Variants in LCOR observed in about 807,000 individuals in gnomAD.
LCOR encodes the protein ligand dependent nuclear receptor corepressor.
Under a neutral mutation model 64.4 loss-of-function variants are expected in LCOR, and 14 were observed. That is an observed-to-expected ratio of 0.22 (90% confidence interval 0.14 to 0.34). The LOEUF (loss-of-function observed/expected upper bound fraction) is 0.34. Ranked by LOEUF, LCOR falls within the 10% of genes least tolerant of loss-of-function variation. LCOR has a pLI of 1.00. For synonymous variants in LCOR, 643 were observed against 642.5 expected, an observed-to-expected ratio of 1.00 and a Z score of -0.01; for missense variants, 1,686 against 1,765.3, an observed-to-expected ratio of 0.96 and a Z score of 0.80.
chr10:96,940,847 GGTC>G (rs1267542142), intron 4 of LCOR, among the ~76,000 whole-genome samples: 2 of 150,516 alleles, frequency 1.3e-5, no homozygotes, highest in Non-Finnish European at 3.0e-5. Flanking sequence ...TCCCAGACGG[GGTC>G]GTGGCCGGGC....
At chr10:96,900,779 A>G (rs941106494) in intron 2 of LCOR, among the ~76,000 whole-genome samples, 1 of 151,942 alleles carries the variant, frequency 6.6e-6, no homozygotes, top group Non-Finnish European at 1.5e-5. Flanking sequence ...AAATCAGAGA[A>G]TATCTATAAA....
At chr10:96,945,239 G>T (rs1847567586) in intron 5 of LCOR, among the ~76,000 whole-genome samples, 1 of 152,010 alleles carries the variant, frequency 6.6e-6, no homozygotes, top group South Asian at 2.1e-4. Context: ...CCTTCCCTTT[G>T]ACATTGGTTA....
At chr10:96,958,481 T>C in intron 7 of LCOR, 1 of 898,692 alleles carries the variant, frequency 1.1e-6, no homozygotes, top group Non-Finnish European at 1.8e-6. Flanking sequence ...AGAACTTGTA[T>C]TGTGTCATTT....
At chr10:96,950,810 A>G (rs547465398) in intron 6 of LCOR, among the ~76,000 whole-genome samples, 3 of 152,136 alleles carry the variant, frequency 2.0e-5, no homozygotes, top group Non-Finnish European at 2.9e-5. Context: ...CAAATTGTCT[A>G]TTTGACTTGC....
chr10:96,945,432 C>T (rs930431079), intron 5 of LCOR, among the ~76,000 whole-genome samples: 2 of 152,128 alleles, frequency 1.3e-5, no homozygotes, highest in African/African-American at 4.8e-5. Context: ...GATCCCTAGG[C>T]AGAATTAAAT....
At chr10:96,931,428 G>T (rs1847258985) in intron 4 of LCOR, among the ~76,000 whole-genome samples, 1 of 151,828 alleles carries the variant, frequency 6.6e-6, no homozygotes, top group South Asian at 2.1e-4. Context: ...TAGAGATGGG[G>T]TTTCACCATG....
At chr10:96,869,485 G>T (rs1846034791) in intron 2 of LCOR, among the ~76,000 whole-genome samples, 1 of 152,056 alleles carries the variant, frequency 6.6e-6, no homozygotes, top group South Asian at 2.1e-4. Context: ...AAAGTGTTAG[G>T]ATTACAGGTA....
At position 96,988,931 on chromosome 10, in the gene LCOR, G is replaced by C. The variant is rs571330762; in HGVS notation, c.*3797G>C. 4 of 152,292 alleles carry C rather than the reference G, an allele frequency of 2.6e-5. No individual in the cohort carries two copies. Among genetic ancestry groups the C allele is most frequent in the African/African-American group, 7.2e-5 (3 of 41,562 alleles). 9.4% of individuals were successfully genotyped at this position (152,292 alleles called of 1,614,324 possible). ...AGTTGAGTAGCTGCGGCAGAGACCC[G>C]TGTGGCCCTTACAGCCTAAGATACT... On this transcript the variant is annotated 3_prime_UTR_variant, in exon 8 of 8. Transcript: ENST00000421806.
chr10:96,907,893 C>T lies in LCOR; in HGVS notation c.-184+146C>T, dbSNP rs141803245. The stretch of plus-strand genomic sequence containing the variant: ...GTTATGAAAGAGTTTGATAGTAATC[C>T]TGGGTTTTGCAATTTAAGTTATTTC... On this transcript the variant is annotated intron_variant, in intron 4 of 7. Transcript: ENST00000421806. 3.0e-3 allele frequency: 508 copies of T among 166,978 alleles called. 3 individuals are homozygous for T. The highest frequency in any genetic ancestry group is 0.012 in the African/African-American group (488 of 41,794). 10.3% of individuals were successfully genotyped at this position (166,978 alleles called of 1,614,324 possible).
intron 2 of LCOR, among the ~76,000 whole-genome samples, chr10:96,894,320 G>T (rs182451611): frequency 2.0e-5 from 3 of 152,094 alleles, no homozygotes; most frequent in Admixed American, 6.6e-5. Context: ...CACGTGATCC[G>T]ACCACCTTGG....
chr10:96,854,176 G>A (rs1424814291), intron 2 of LCOR, among the ~76,000 whole-genome samples: 1 of 152,088 alleles, frequency 6.6e-6, no homozygotes, highest in Non-Finnish European at 1.5e-5. Flanking sequence ...AAATGAGATA[G>A]CTCGTTGACT....
At chr10:96,890,089 G>T (rs761172479) in intron 2 of LCOR, among the ~76,000 whole-genome samples, 1 of 151,694 alleles carries the variant, frequency 6.6e-6, no homozygotes, top group Non-Finnish European at 1.5e-5. Flanking sequence ...CTTTGTATGC[G>T]TGTAGTTTTT....
rs183613025 is a variant in LCOR, at chr10:96,968,239, A to G, written c.333-12554A>G. On this transcript the variant is annotated intron_variant, in intron 7 of 7. Coordinates refer to ENST00000421806, the MANE Select transcript of LCOR (RefSeq NM_001346516.2). Reference sequence around the variant, plus strand: ...TTAGGTGAAAAACATGGAACTTGGAACCTTGAGGGACTTGTCCCTCCTCAC... The same window carrying G: ...TTAGGTGAAAAACATGGAACTTGGAGCCTTGAGGGACTTGTCCCTCCTCAC... Among the ~76,000 whole-genome samples, 264 of 152,272 alleles carry G rather than the reference A, an allele frequency of 1.7e-3. 1 individual carries two copies. Among genetic ancestry groups the G allele is most frequent in the Non-Finnish European group, 2.9e-3 (200 of 68,002 alleles).
intron 7 of LCOR, among the ~76,000 whole-genome samples, 156 bp from the exon 8 acceptor site, chr10:96,980,637 A>G (rs1848075666): frequency 6.6e-6 from 1 of 152,204 alleles, no homozygotes; most frequent in Admixed American, 6.5e-5. Context: ...TCTTTAGGCC[A>G]GGAGTTCGAG....
In LCOR at chr10:96,983,732, T is replaced by C. The variant is rs1257127164; in HGVS notation, c.3272T>C (p.Val1091Ala). ...DPLDEDDVDT[V>A]VDEQPKFMEW... ...CTAGATGAGGACGATGTTGACACCG[T>C]GGTAGATGAACAGCCAAAGTTTATG... Residue 1091 changes from valine (V) to alanine (A), a missense_variant, in exon 8 of 8, where the codon GTG becomes GCG. Transcript: ENST00000421806. The surrounding 1 kb of genome is among the most constrained non-coding windows in gnomAD (Gnocchi z 4.5). 3 of 1,614,068 alleles carry C rather than the reference T, an allele frequency of 1.9e-6. No homozygotes were observed. In the East Asian group the frequency reaches 6.7e-5, roughly 36 times the overall value.
chr10:96,946,877 A>G (rs1363966827), intron 5 of LCOR, among the ~76,000 whole-genome samples: 2 of 152,122 alleles, frequency 1.3e-5, no homozygotes, highest in Non-Finnish European at 2.9e-5. Context: ...GAGGCATCGC[A>G]TAAATTCATA....
chr10:96,955,454 G>A (rs1462532716), intron 7 of LCOR: 1 of 1,614,026 alleles, frequency 6.2e-7, no homozygotes, highest in Non-Finnish European at 8.5e-7. Flanking sequence ...ATAGCTCTTT[G>A]GTAATGGGTT....
At chr10:96,895,214 T>C (rs1564618140) in intron 2 of LCOR, among the ~76,000 whole-genome samples, 1 of 152,190 alleles carries the variant, frequency 6.6e-6, no homozygotes, top group African/African-American at 2.4e-5. Flanking sequence ...CTCAGACTTA[T>C]CCCCAAAGTG....
rs74784568 is a variant in LCOR at position 96,958,906 on chromosome 10, T to TAAA, written c.332+6729_332+6731dup. ...ATGAGCCTCTCAAAAAAGAAAAACT[T>TAAA]AAAAAAAAAAAAAAAAAAAAACAAA... is the stretch of plus-strand genomic sequence containing the variant. On this transcript the variant is annotated intron_variant, in intron 7 of 7. Transcript: ENST00000421806. The TAAA allele has an allele frequency of 6.8e-3, 704 of 103,718 alleles. 2 individuals are homozygous for TAAA. The highest frequency in any genetic ancestry group is 0.011 in the African/African-American group (350 of 31,440). 6.4% of individuals were successfully genotyped at this position (103,718 alleles called of 1,614,324 possible). A position where few individuals can be genotyped will look rare whatever the true frequency, so the allele number is the denominator to read the frequency against.
Sources: gnomAD v4.1 joint callset for allele counts (sites outside exome capture counted in the v4.1 genomes callset) on GRCh38, gnomAD v4.1.1 for gene constraint, Gnocchi (gnomAD v3.1) non-coding constraint, MANE v1.5 for transcripts, NCBI Gene and HGNC (gene_info 2026-07-23, HGNC 2026-07-21) for gene names.